Variants in RPS6KC1 observed in about 807,000 individuals in gnomAD.
RPS6KC1 encodes the protein ribosomal protein S6 kinase C1, also known as inactive ribosomal protein S6 kinase delta-1.
A neutral mutation model predicts 103.8 loss-of-function variants in RPS6KC1; 54 were observed. The observed-to-expected ratio is 0.52, with a 90% CI of 0.42 to 0.65. The LOEUF (loss-of-function observed/expected upper bound fraction) is 0.65. Among genes scored for constraint, RPS6KC1 ranks in the 30% least tolerant of loss-of-function variants. The pLI is 0.00. For missense variants in RPS6KC1, 1,151 were observed against 1,253.8 expected, an observed-to-expected ratio of 0.92 and a Z score of 1.24; for synonymous variants, 439 against 438.7, an observed-to-expected ratio of 1.00 and a Z score of -0.01.
chr1:213,602,120 C>CTTT, the RPS6KC1 span, among the ~76,000 whole-genome samples: 9 of 5,160 alleles, frequency 1.7e-3, no homozygotes, highest in African/African-American at 6.0e-3. Flanking sequence ...TTCTTTCTTT[C>CTTT]TCTTTCTTTC....
At chr1:213,556,852 G>C in the RPS6KC1 span, among the ~76,000 whole-genome samples, 1 of 152,236 alleles carries the variant, frequency 6.6e-6, no homozygotes, top group African/African-American at 2.4e-5. Flanking sequence ...CTGAGACACA[G>C]AGCATCATTC....
At chr1:213,837,682 CGT>C in the RPS6KC1 span, among the ~76,000 whole-genome samples, 3 of 151,368 alleles carry the variant, frequency 2.0e-5, no homozygotes, top group African/African-American at 4.8e-5. Context: ...TGTGTGTGTG[CGT>C]GTGTGTGTGT....
the RPS6KC1 span, among the ~76,000 whole-genome samples, chr1:213,755,052 CT>C: frequency 6.6e-5 from 10 of 152,146 alleles, no homozygotes; most frequent in African/African-American, 2.2e-4. Flanking sequence ...GTTCCTTACA[CT>C]TAAGGTGATA....
At chr1:213,534,941 G>A in the RPS6KC1 span, among the ~76,000 whole-genome samples, 1 of 152,062 alleles carries the variant, frequency 6.6e-6, no homozygotes, top group Admixed American at 6.6e-5. Flanking sequence ...CCCAATCATG[G>A]TTAATCCTAC....
rs973371265 is a variant in RPS6KC1, at chr1:213,259,219, T to C, written c.2912-2339T>C. ...GTTTTCATATCATCTTGCTGTACTT[T>C]AAAAATTTAAACATTTGTGTCAATT... On this transcript the variant is annotated intron_variant, in intron 12 of 14. Coordinates refer to ENST00000366960, the MANE Select transcript of RPS6KC1 (RefSeq NM_012424.6). Among the ~76,000 whole-genome samples, 4 of 152,240 alleles carry C rather than the reference T, an allele frequency of 2.6e-5. No individual in the cohort carries two copies. In the East Asian group the frequency reaches 5.8e-4, roughly 22 times the overall value.
chr1:213,611,544 A>G, the RPS6KC1 span, among the ~76,000 whole-genome samples: 4 of 152,194 alleles, frequency 2.6e-5, no homozygotes, highest in Non-Finnish European at 5.9e-5. Context: ...AATAGGTGTT[A>G]TCCAGGAAAG....
At chr1:213,180,045 A>G (rs1373703177) in intron 8 of RPS6KC1, among the ~76,000 whole-genome samples, 3 of 152,222 alleles carry the variant, frequency 2.0e-5, no homozygotes, top group Non-Finnish European at 4.4e-5. Flanking sequence ...TTAGTATTCA[A>G]AGAGAAGTAA....
the RPS6KC1 span, among the ~76,000 whole-genome samples, chr1:213,418,216 G>T: frequency 1.4e-4 from 21 of 152,194 alleles, no homozygotes; most frequent in African/African-American, 4.6e-4. Flanking sequence ...TACTCACAGG[G>T]TTTTTGTGAG....
At chr1:213,610,563 G>C in the RPS6KC1 span, among the ~76,000 whole-genome samples, 1 of 152,140 alleles carries the variant, frequency 6.6e-6, no homozygotes, top group Non-Finnish European at 1.5e-5. Context: ...CCATCTTAGG[G>C]CTTCCTATAT....
chr1:213,549,420 G>A, the RPS6KC1 span, among the ~76,000 whole-genome samples: 1 of 152,038 alleles, frequency 6.6e-6, no homozygotes, highest in East Asian at 1.9e-4. Context: ...TTTTGATATT[G>A]TTTACTTCTT....
chr1:213,859,301 C>T, the RPS6KC1 span, among the ~76,000 whole-genome samples: 2 of 152,148 alleles, frequency 1.3e-5, no homozygotes, highest in African/African-American at 2.4e-5. Flanking sequence ...ACCCTCCCCT[C>T]GCCTGTTTAT....
At chr1:213,697,493 T>C in the RPS6KC1 span, among the ~76,000 whole-genome samples, 1 of 152,226 alleles carries the variant, frequency 6.6e-6, no homozygotes, top group African/African-American at 2.4e-5. Context: ...GTCTCCTGTC[T>C]TCCTTGGTTA....
At chr1:213,606,795 A>G in the RPS6KC1 span, among the ~76,000 whole-genome samples, 1 of 152,226 alleles carries the variant, frequency 6.6e-6, no homozygotes, top group African/African-American at 2.4e-5. Context: ...TCAAGGTTTT[A>G]AATTCTGTAC....
chr1:213,683,507 C>G, the RPS6KC1 span, among the ~76,000 whole-genome samples: 114 of 152,254 alleles, frequency 7.5e-4, no homozygotes, highest in Middle Eastern at 3.4e-3. Context: ...ATTCCTCCCC[C>G]CAGCCTGCCC....
chr1:213,262,978 A>G (rs944570596), intron 14 of RPS6KC1, among the ~76,000 whole-genome samples, 162 bp downstream of exon 14: 2 of 152,196 alleles, frequency 1.3e-5, no homozygotes, highest in South Asian at 2.1e-4. Context: ...AGGCTTTGCT[A>G]TCATCAAAGT....
the RPS6KC1 span, among the ~76,000 whole-genome samples, chr1:213,650,846 C>T: frequency 2.7e-5 from 4 of 149,748 alleles, no homozygotes; most frequent in African/African-American, 9.9e-5. Flanking sequence ...CAAACTCAAA[C>T]ACAGATAGGT....
At chr1:213,163,332 G>A (rs2090652569) in intron 6 of RPS6KC1, among the ~76,000 whole-genome samples, 1 of 152,232 alleles carries the variant, frequency 6.6e-6, no homozygotes, top group Admixed American at 6.5e-5. Context: ...CATTGGGAGA[G>A]TATTTGTGGT....
the RPS6KC1 span, among the ~76,000 whole-genome samples, chr1:213,831,708 C>G: frequency 6.6e-6 from 1 of 152,084 alleles, no homozygotes; most frequent in Non-Finnish European, 1.5e-5. Context: ...TTAATAGTAT[C>G]TGTCTTCTTA....
chr1:213,181,675 T>C (rs1367199806), intron 8 of RPS6KC1, among the ~76,000 whole-genome samples: 1 of 152,174 alleles, frequency 6.6e-6, no homozygotes, highest in Non-Finnish European at 1.5e-5. Flanking sequence ...CAAAAGGACA[T>C]AGCACAACAT....
Sources: allele counts gnomAD v4.1 joint callset (sites outside exome capture counted in the v4.1 genomes callset), GRCh38; gene constraint gnomAD v4.1.1; transcripts MANE v1.5; gene names NCBI Gene and HGNC (gene_info 2026-07-23, HGNC 2026-07-21).